The following MYO1H variants were observed in gnomAD, a reference collection of about 807,000 sequenced individuals.
MYO1H encodes unconventional myosin-Ih.
MYO1H carries 118 observed loss-of-function variants against 149.3 expected under a neutral mutation model. The ratio of observed to expected loss-of-function variants is 0.79; its 90% confidence interval spans 0.68 to 0.92. The LOEUF (loss-of-function observed/expected upper bound fraction) is 0.92, where lower values mean the gene tolerates loss of function less well. Ranked by LOEUF, MYO1H falls within the 40% of genes least tolerant of loss-of-function variation. MYO1H has a pLI of 0.00. For synonymous variants in MYO1H, 447 were observed against 465.2 expected, an observed-to-expected ratio of 0.96 and a Z score of 0.50; for missense variants, 1,212 against 1,280.7, an observed-to-expected ratio of 0.95 and a Z score of 0.82.
At chr12:109,401,232 G>T in exon 6 of MYO1H, 1 of 1,613,538 alleles carries the variant, frequency 6.2e-7, no homozygotes, top group East Asian at 2.2e-5. Context: ...TCTTACCTGG[G>T]ACTCGAGCGA....
intron 1 of MYO1H, among the ~76,000 whole-genome samples, chr12:109,371,935 A>G (rs1289406268): frequency 6.6e-6 from 1 of 152,216 alleles, no homozygotes; most frequent in Admixed American, 6.5e-5. Flanking sequence ...TATATTTAAA[A>G]GACAAAGTTG....
intron 1 of MYO1H, among the ~76,000 whole-genome samples, chr12:109,381,696 C>T (rs1294037092): frequency 3.3e-5 from 5 of 152,110 alleles, no homozygotes; most frequent in Admixed American, 6.5e-5. Context: ...ATCCCAGCTA[C>T]TTGGTTCATG....
At chr12:109,436,664 G>A (rs1871874655) in intron 22 of MYO1H, 108 bp downstream of exon 22, 4 of 734,838 alleles carry the variant, frequency 5.4e-6, no homozygotes, top group East Asian at 2.7e-5. Flanking sequence ...AACCTTGTGT[G>A]GTGCTATCTT....
chr12:109,447,923 A>G (rs1201751922), exon 32 of MYO1H: 1 of 152,316 alleles, frequency 6.6e-6, no homozygotes, highest in Non-Finnish European at 1.5e-5. Flanking sequence ...ACACAAATGG[A>G]CAATAAATGC....
exon 32 of MYO1H, chr12:109,447,396 T>C: frequency 1.6e-6 from 1 of 610,924 alleles, no homozygotes; most frequent in Admixed American, 2.7e-5. Flanking sequence ...TGTCACCTTC[T>C]GGAAGCAGAC....
At chr12:109,373,217 A>T (rs1869023520) in intron 1 of MYO1H, among the ~76,000 whole-genome samples, 1 of 152,016 alleles carries the variant, frequency 6.6e-6, no homozygotes, top group African/African-American at 2.4e-5. Context: ...CTCTTATCTA[A>T]TTGCATTGGC....
chr12:109,387,474 C>T lies in MYO1H; in HGVS notation c.13-1209C>T, dbSNP rs1011554339. On this transcript the variant is annotated intron_variant, in intron 1 of 31. Coordinates refer to ENST00000310903, the Ensembl canonical transcript of MYO1H. ...GCCTCTCAGATCCAAATTCACCCTT[C>T]ATTACCTGCTGAGCAATAACCAACT... Among the ~76,000 whole-genome samples the T allele has an allele frequency of 5.3e-5, 8 of 152,234 alleles. No homozygotes were observed. In the South Asian group the frequency reaches 6.2e-4, roughly 12 times the overall value.
intron 25 of MYO1H, 61 bp from the exon 26 acceptor site, chr12:109,441,554 C>A: frequency 1.8e-6 from 2 of 1,141,356 alleles, no homozygotes; most frequent in South Asian, 1.5e-5. Context: ...GGGTCTAGAG[C>A]TCTTCTATCC....
At chr12:109,440,589 A>G (rs912857929) in intron 24 of MYO1H, 155 bp from the exon 25 acceptor site, 4 of 613,828 alleles carry the variant, frequency 6.5e-6, no homozygotes, top group Non-Finnish European at 1.2e-5. Flanking sequence ...GGAGAGGATC[A>G]GGTTAGCTGC....
intron 19 of MYO1H, among the ~76,000 whole-genome samples, chr12:109,431,705 C>T (rs916064718): frequency 2.0e-5 from 3 of 152,182 alleles, no homozygotes; most frequent in South Asian, 2.1e-4. Flanking sequence ...ACAGACATCA[C>T]GGTTCTCTTT....
chr12:109,408,050 A>G, intron 10 of MYO1H, 137 bp downstream of exon 10: 1 of 1,080,770 alleles, frequency 9.3e-7, no homozygotes, highest in Non-Finnish European at 1.4e-6. Context: ...CCCTATTCAC[A>G]TTTCCCATGT....
At chr12:109,373,666 T>C (rs1004665012) in intron 1 of MYO1H, among the ~76,000 whole-genome samples, 1 of 152,216 alleles carries the variant, frequency 6.6e-6, no homozygotes, top group African/African-American at 2.4e-5. Context: ...ATTCCTAAGA[T>C]GAGCTTGGTC....
exon 14 of MYO1H, chr12:109,411,975 C>G (rs1261997662): frequency 6.3e-7 from 1 of 1,592,154 alleles, no homozygotes; most frequent in East Asian, 2.3e-5. Context: ...CAAACATGCA[C>G]ACTTCGAAAC....
intron 16 of MYO1H, 27 bp from the exon 17 acceptor site, chr12:109,424,721 G>T: frequency 6.3e-7 from 1 of 1,589,154 alleles, no homozygotes; most frequent in Admixed American, 1.7e-5. Flanking sequence ...AACAGCGAAC[G>T]TGGTACTCAT....
At chr12:109,444,892 G>A (rs899054675) in intron 30 of MYO1H, among the ~76,000 whole-genome samples, 5 of 151,656 alleles carry the variant, frequency 3.3e-5, no homozygotes, top group African/African-American at 1.2e-4. Flanking sequence ...ATTACAGATC[G>A]GGGAAGATGC....
intron 1 of MYO1H, among the ~76,000 whole-genome samples, chr12:109,361,741 C>T (rs1343740393): frequency 1.5e-5 from 2 of 137,692 alleles, no homozygotes; most frequent in South Asian, 2.3e-4. Flanking sequence ...CTCAGGAGGT[C>T]GAGGTTGCAG....
chr12:109,425,869 G>A (rs1464672495), intron 17 of MYO1H, 77 bp from the exon 18 acceptor site: 3 of 1,050,824 alleles, frequency 2.9e-6, no homozygotes, highest in African/African-American at 1.6e-5. Flanking sequence ...TTGAGCCCTG[G>A]CCAGTCTTTT....
rs368771037 is a variant in MYO1H at position 109,397,689 on chromosome 12, A to G, written c.490-43A>G. 4 of 1,523,788 alleles carry G rather than the reference A, an allele frequency of 2.6e-6. No individual in the cohort carries two copies. In the African/African-American group the frequency reaches 5.5e-5, roughly 21 times the overall value. 94.4% of individuals were successfully genotyped at this position (1,523,788 alleles called of 1,614,324 possible). On this transcript the variant is annotated intron_variant, in intron 4 of 31. Transcript: ENST00000310903. ...ATTTGGGGTCAGGAATTTGATACGC[A>G]TGGTGAGCTTAAATGACAGTGAATG...
At chr12:109,346,385 CAATG>C (rs1353032444), upstream of MYO1H, among the ~76,000 whole-genome samples, 4 of 152,160 alleles carry the variant, frequency 2.6e-5, no homozygotes, top group Non-Finnish European at 1.5e-5. Context: ...ACTTAAAAAA[CAATG>C]AACTGTATAA....
Sources: gnomAD v4.1 joint callset for allele counts (sites outside exome capture counted in the v4.1 genomes callset) on GRCh38, gnomAD v4.1.1 for gene constraint, MANE v1.5 for transcripts, NCBI Gene and HGNC (gene_info 2026-07-23, HGNC 2026-07-21) for gene names.